CAMK2D: variants seen among roughly 807,000 people sequenced by gnomAD.
CAMK2D encodes calcium/calmodulin dependent protein kinase II delta, also known as calcium/calmodulin-dependent protein kinase type II subunit delta.
A neutral mutation model predicts 84.0 loss-of-function variants in CAMK2D; 37 were observed. The observed-to-expected ratio is 0.44, with a 90% CI of 0.34 to 0.58. CAMK2D has a LOEUF of 0.58. Among genes scored for constraint, CAMK2D ranks in the 20% least tolerant of loss-of-function variants. CAMK2D has a pLI of 0.02. For missense variants in CAMK2D, 448 were observed against 652.5 expected, an observed-to-expected ratio of 0.69 and a Z score of 3.41; for synonymous variants, 202 against 212.5, an observed-to-expected ratio of 0.95 and a Z score of 0.43.
intron 8 of CAMK2D, among the ~76,000 whole-genome samples, chr4:113,530,707 A>C (rs1023686057): frequency 6.6e-6 from 1 of 152,176 alleles, no homozygotes; most frequent in Non-Finnish European, 1.5e-5. Flanking sequence ...ATAACTCTCT[A>C]TAAAACTAAA....
At chr4:113,659,191 TAGGAGG>T (rs1308633567) in intron 3 of CAMK2D, among the ~76,000 whole-genome samples, 1 of 152,208 alleles carries the variant, frequency 6.6e-6, no homozygotes, top group East Asian at 1.9e-4. Context: ...TTGAGTTTCA[TAGGAGG>T]ACCTGATACA....
At chr4:113,474,577 C>T (rs2097582786) in intron 16 of CAMK2D, among the ~76,000 whole-genome samples, 1 of 133,314 alleles carries the variant, frequency 7.5e-6, no homozygotes, top group African/African-American at 2.8e-5. Context: ...TTTCAACTAA[C>T]TCTGCTAATC....
At chr4:113,468,138 CA>C (rs1344610536) in intron 16 of CAMK2D, among the ~76,000 whole-genome samples, 1 of 152,050 alleles carries the variant, frequency 6.6e-6, no homozygotes, top group Non-Finnish European at 1.5e-5. Flanking sequence ...GCCTCACAAG[CA>C]TAATATGGAA....
chr4:113,484,706 T>C (rs987354050), intron 16 of CAMK2D, among the ~76,000 whole-genome samples: 1 of 152,142 alleles, frequency 6.6e-6, no homozygotes, highest in African/African-American at 2.4e-5. Context: ...TTTATAGCCT[T>C]AGAGCTAAAC....
At chr4:113,607,982 G>C (rs1422879529) in intron 4 of CAMK2D, among the ~76,000 whole-genome samples, 1 of 152,218 alleles carries the variant, frequency 6.6e-6, no homozygotes, top group Non-Finnish European at 1.5e-5. Context: ...ACCTGGTTTA[G>C]TGTGGGCTTG....
intron 2 of CAMK2D, among the ~76,000 whole-genome samples, chr4:113,714,890 C>A (rs919254961): frequency 6.6e-6 from 1 of 152,016 alleles, no homozygotes; most frequent in African/African-American, 2.4e-5. Context: ...AAAAATTTTA[C>A]CTTCCCTACA....
rs1448476624 is a variant in CAMK2D at position 113,499,141 on chromosome 4, A to G, written c.1135+1322T>C. Among the ~76,000 whole-genome samples, 4 of 152,178 alleles carry G rather than the reference A, an allele frequency of 2.6e-5. No individual in the cohort carries two copies. In the East Asian group the frequency reaches 7.7e-4, roughly 29 times the overall value. ...TGAATCAGTGGGAAAGCTAAATGGC[A>G]TATCTATTTATTTGGCTAAAAAAAA... On this transcript the variant is annotated intron_variant, in intron 16 of 20. Transcript: ENST00000511664.
At chr4:113,463,809 A>G (rs2097422652) in intron 17 of CAMK2D, among the ~76,000 whole-genome samples, 1 of 152,218 alleles carries the variant, frequency 6.6e-6, no homozygotes, top group Non-Finnish European at 1.5e-5. Context: ...TGTACCAAAG[A>G]TGATTTAATG....
intron 14 of CAMK2D, chr4:113,503,195 T>G: frequency 2.8e-6 from 2 of 724,030 alleles, no homozygotes; most frequent in Non-Finnish European, 5.1e-6. Flanking sequence ...AGAAGCAGCA[T>G]GCAAAAGACC....
intron 2 of CAMK2D, chr4:113,754,610 C>A (rs56145557): frequency 3.1e-6 from 3 of 982,338 alleles, no homozygotes; most frequent in Admixed American, 1.2e-4. Flanking sequence ...ACCTGACAAC[C>A]ACTTTCTTTA....
At chr4:113,535,096 G>T (rs973199068) in intron 7 of CAMK2D, among the ~76,000 whole-genome samples, 2 of 152,106 alleles carry the variant, frequency 1.3e-5, no homozygotes, top group East Asian at 3.9e-4. Flanking sequence ...ACAAAGGCTT[G>T]TCTTATTCCT....
At chr4:113,715,917 G>A (rs2099511984) in intron 2 of CAMK2D, among the ~76,000 whole-genome samples, 1 of 152,094 alleles carries the variant, frequency 6.6e-6, no homozygotes, top group Non-Finnish European at 1.5e-5. Context: ...ACTCCCATTA[G>A]TTTCTCTGAA....
chr4:113,515,051 T>G lies in CAMK2D; in HGVS notation c.819+18A>C. 1 of 1,610,286 alleles carries G rather than the reference T, an allele frequency of 6.2e-7. No homozygotes were observed. The highest frequency in any genetic ancestry group is 2.2e-5 in the East Asian group (1 of 44,824). On this transcript the variant is annotated intron_variant, in intron 10 of 20. Coordinates refer to ENST00000511664, the MANE Select transcript of CAMK2D (RefSeq NM_001321571.2). ...TTTTTCATTTTAGTTCTTGAAGTTT[T>G]GGAGAAGTTTTACTTACACAGATCC...
chr4:113,581,962 A>G (rs958818938), intron 4 of CAMK2D, among the ~76,000 whole-genome samples: 1 of 152,190 alleles, frequency 6.6e-6, no homozygotes, highest in Non-Finnish European at 1.5e-5. Context: ...ATGACGAGAA[A>G]GGGACGCTGG....
rs1362848142 is a variant in CAMK2D at position 113,609,139 on chromosome 4, A to G, written c.275+13T>C. The G allele has an allele frequency of 7.0e-7, 1 of 1,422,418 alleles. No individual in the cohort carries two copies. The highest frequency in any genetic ancestry group is 1.7e-5 in the Admixed American group (1 of 59,784). 88.1% of individuals were successfully genotyped at this position (1,422,418 alleles called of 1,614,324 possible). A position where few individuals can be genotyped will look rare whatever the true frequency, so the allele number is the denominator to read the frequency against. ...TAGATTGCAAAAATAATGAATACAGAGTATATACTTACAAATCAAACACCA... is the reference window on the plus strand; with the variant it reads ...TAGATTGCAAAAATAATGAATACAGGGTATATACTTACAAATCAAACACCA... On this transcript the variant is annotated intron_variant, in intron 4 of 20. Coordinates refer to ENST00000511664, the MANE Select transcript of CAMK2D (RefSeq NM_001321571.2).
At chr4:113,482,746 C>G (rs1050535978) in intron 16 of CAMK2D, among the ~76,000 whole-genome samples, 3 of 152,128 alleles carry the variant, frequency 2.0e-5, no homozygotes, top group Non-Finnish European at 2.9e-5. Flanking sequence ...TTGTTCTAAT[C>G]TAAAGAGACG....
chr4:113,462,256 A>G (rs1005935155), intron 17 of CAMK2D, among the ~76,000 whole-genome samples: 2 of 141,902 alleles, frequency 1.4e-5, no homozygotes, highest in African/African-American at 5.4e-5. Flanking sequence ...AAGAGTCAGT[A>G]TATTTGGAAA....
At chr4:113,482,590 T>C (rs1393903584) in intron 16 of CAMK2D, among the ~76,000 whole-genome samples, 2 of 152,212 alleles carry the variant, frequency 1.3e-5, no homozygotes, top group Non-Finnish European at 2.9e-5. Context: ...AGAGAAATGT[T>C]CTTTGGAGGT....
At chr4:113,675,829 A>G (rs1287168979) in intron 2 of CAMK2D, among the ~76,000 whole-genome samples, 1 of 152,148 alleles carries the variant, frequency 6.6e-6, no homozygotes, top group Non-Finnish European at 1.5e-5. Flanking sequence ...ATTTATCCCT[A>G]TGCTTTATTC....
Sources: allele counts gnomAD v4.1 joint callset (sites outside exome capture counted in the v4.1 genomes callset), GRCh38; gene constraint gnomAD v4.1.1; transcripts MANE v1.5; gene names NCBI Gene and HGNC (gene_info 2026-07-23, HGNC 2026-07-21).